Variants in CTNNA3 observed in about 807,000 individuals in gnomAD.
CTNNA3 encodes catenin alpha 3.
A neutral mutation model predicts 95.7 loss-of-function variants in CTNNA3; 76 were observed. The observed-to-expected ratio is 0.79, with a 90% CI of 0.66 to 0.96. The LOEUF (loss-of-function observed/expected upper bound fraction) is 0.96. Ranked by LOEUF, CTNNA3 falls within the 40% of genes least tolerant of loss-of-function variation. The probability of loss-of-function intolerance (pLI) is 0.00; values close to 1 mark genes in which losing one functional copy is unlikely to be tolerated. For synonymous variants in CTNNA3, 431 were observed against 374.4 expected, an observed-to-expected ratio of 1.15 and a Z score of -1.74; for missense variants, 1,191 against 1,089.8, an observed-to-expected ratio of 1.09 and a Z score of -1.31.
At chr10:66,466,932 T>C (rs925146635) in intron 11 of CTNNA3, among the ~76,000 whole-genome samples, 1 of 152,140 alleles carries the variant, frequency 6.6e-6, no homozygotes, top group Non-Finnish European at 1.5e-5. Context: ...ATTGACATTA[T>C]ATTATTTTTT....
chr10:65,915,298 G>A lies in CTNNA3; in HGVS notation c.*5032C>T, dbSNP rs1160402021. ...ATGTGTAGTTCATCCTTTTGCCTTC[G>A]ACACGACTTCACCAAACCACCAAGA... On this transcript the variant is annotated 3_prime_UTR_variant, in exon 18 of 18. Coordinates refer to ENST00000433211, the MANE Select transcript of CTNNA3 (RefSeq NM_013266.4). 2 of 151,446 alleles carry A rather than the reference G, an allele frequency of 1.3e-5. No individual in the cohort carries two copies. Among genetic ancestry groups the A allele is most frequent in the Admixed American group, 1.3e-4 (2 of 15,210 alleles). 9.4% of individuals were successfully genotyped at this position (151,446 alleles called of 1,614,324 possible). A position where few individuals can be genotyped will look rare whatever the true frequency, so the allele number is the denominator to read the frequency against.
intron 10 of CTNNA3, among the ~76,000 whole-genome samples, chr10:66,586,829 G>A (rs1012024492): frequency 1.3e-5 from 2 of 152,112 alleles, no homozygotes; most frequent in African/African-American, 4.8e-5. Flanking sequence ...GAAGTTAAGG[G>A]ACTCAAGGCC....
chr10:67,121,712 C>G (rs1859469645), intron 7 of CTNNA3, among the ~76,000 whole-genome samples: 1 of 151,814 alleles, frequency 6.6e-6, no homozygotes, highest in South Asian at 2.1e-4. Context: ...AAAAAATAAA[C>G]AGGCAAGTGC....
chr10:67,237,225 T>C (rs1865526692), intron 5 of CTNNA3, among the ~76,000 whole-genome samples: 1 of 142,118 alleles, frequency 7.0e-6, no homozygotes, highest in African/African-American at 2.6e-5. Flanking sequence ...ATTAATAGCA[T>C]TTGCAGCGAC....
At chr10:67,613,911 G>C (rs867834736) in intron 2 of CTNNA3, among the ~76,000 whole-genome samples, 1 of 152,164 alleles carries the variant, frequency 6.6e-6, no homozygotes, top group African/African-American at 2.4e-5. Flanking sequence ...TGGTGGGTTC[G>C]TGGTCTCGCT....
chr10:66,679,174 A>G (rs1365892561), intron 9 of CTNNA3, among the ~76,000 whole-genome samples: 1 of 152,194 alleles, frequency 6.6e-6, no homozygotes, highest in African/African-American at 2.4e-5. Context: ...ATGAAATCCT[A>G]GACTAAGTCA....
intron 5 of CTNNA3, among the ~76,000 whole-genome samples, chr10:67,447,339 C>A (rs532574686): frequency 1.3e-5 from 2 of 152,278 alleles, no homozygotes; most frequent in South Asian, 2.1e-4. Flanking sequence ...TCTTTGAAAT[C>A]TTTCAGTAGA....
At chr10:66,277,252 T>C (rs1156604010) in intron 13 of CTNNA3, among the ~76,000 whole-genome samples, 1 of 152,140 alleles carries the variant, frequency 6.6e-6, no homozygotes, top group Non-Finnish European at 1.5e-5. Context: ...AGTTCTGATC[T>C]TGAGTTAGTA....
chr10:65,977,509 G>A (rs1338338286), intron 16 of CTNNA3, among the ~76,000 whole-genome samples: 2 of 151,980 alleles, frequency 1.3e-5, no homozygotes, highest in Non-Finnish European at 1.5e-5. Context: ...AGCCAGGTGC[G>A]GTGGCTCACG....
At chr10:67,357,976 A>T (rs1353972420) in intron 5 of CTNNA3, among the ~76,000 whole-genome samples, 1 of 152,146 alleles carries the variant, frequency 6.6e-6, no homozygotes, top group Non-Finnish European at 1.5e-5. Context: ...GTCCAGAAAT[A>T]AACCTGGATA....
At chr10:66,371,824 G>T (rs879280953) in intron 12 of CTNNA3, among the ~76,000 whole-genome samples, 8 of 152,160 alleles carry the variant, frequency 5.3e-5, no homozygotes, top group Non-Finnish European at 1.0e-4. Flanking sequence ...GACAGCCAAG[G>T]TGTGGGCACA....
intron 11 of CTNNA3, among the ~76,000 whole-genome samples, chr10:66,469,627 A>G (rs77252922): frequency 0.062 from 9,396 of 151,924 alleles, 609 homozygotes; most frequent in African/African-American, 0.16. Context: ...TCAAATTTGC[A>G]TTTTAGTATA....
intron 7 of CTNNA3, among the ~76,000 whole-genome samples, chr10:66,886,023 G>A (rs1564744195): frequency 6.6e-6 from 1 of 152,014 alleles, no homozygotes; most frequent in African/African-American, 2.4e-5. Context: ...GGTTCCCTTT[G>A]TTGCAATATT....
At chr10:67,231,570 G>A (rs1865212894) in intron 5 of CTNNA3, among the ~76,000 whole-genome samples, 1 of 152,184 alleles carries the variant, frequency 6.6e-6, no homozygotes, top group African/African-American at 2.4e-5. Flanking sequence ...CCACAAAGAT[G>A]TGGAAAAAAC....
chr10:67,090,120 G>GTTT (rs1857543305), intron 7 of CTNNA3, among the ~76,000 whole-genome samples: 1 of 151,946 alleles, frequency 6.6e-6, no homozygotes, highest in African/African-American at 2.4e-5. Flanking sequence ...AAACCCCAAA[G>GTTT]GTCTTCCTGA....
chr10:66,778,837 A>G (rs1024407381), intron 7 of CTNNA3, among the ~76,000 whole-genome samples: 1 of 152,106 alleles, frequency 6.6e-6, no homozygotes, highest in Non-Finnish European at 1.5e-5. Flanking sequence ...TTAGCTGGGC[A>G]TGGTGGCGCA....
intron 7 of CTNNA3, among the ~76,000 whole-genome samples, chr10:66,796,044 A>G (rs553532239): frequency 2.6e-4 from 39 of 152,264 alleles, no homozygotes; most frequent in African/African-American, 9.4e-4. Context: ...CATATCAGCA[A>G]TAAGGTTGTT....
At chr10:67,056,197 C>T (rs1486543350) in intron 7 of CTNNA3, among the ~76,000 whole-genome samples, 3 of 152,186 alleles carry the variant, frequency 2.0e-5, no homozygotes, top group African/African-American at 7.2e-5. Context: ...ATTAACTGAG[C>T]TTTAATAAAA....
intron 5 of CTNNA3, among the ~76,000 whole-genome samples, chr10:67,263,034 TTGA>T (rs1866681076): frequency 1.3e-5 from 2 of 152,150 alleles, no homozygotes; most frequent in Admixed American, 6.5e-5. Context: ...GGGATAAAAC[TTGA>T]TGCCATAACA....
Sources: gnomAD v4.1 joint callset for allele counts (sites outside exome capture counted in the v4.1 genomes callset) on GRCh38, gnomAD v4.1.1 for gene constraint, MANE v1.5 for transcripts, NCBI Gene and HGNC (gene_info 2026-07-23, HGNC 2026-07-21) for gene names.